NAV2: variants seen among roughly 807,000 people sequenced by gnomAD.
NAV2 encodes helicase, APC down-regulated 1.
In NAV2, 54 loss-of-function variants were observed where a neutral mutation model predicts 223.2. That is an observed-to-expected ratio of 0.24 (90% CI 0.19 to 0.30). NAV2 has a LOEUF of 0.30. NAV2 is among the 10% of genes least tolerant of loss of function. The pLI, the probability that NAV2 is intolerant of heterozygous loss-of-function variation, is 1.00. For synonymous variants in NAV2, 1,279 were observed against 1,239.3 expected, an observed-to-expected ratio of 1.03 and a Z score of -0.67; for missense variants, 2,806 against 3,147.5, an observed-to-expected ratio of 0.89 and a Z score of 2.60.
chr11:19,533,017 T>A (rs1352360249), intron 1 of NAV2, among the ~76,000 whole-genome samples: 1 of 152,194 alleles, frequency 6.6e-6, no homozygotes, highest in Non-Finnish European at 1.5e-5. Flanking sequence ...TGGTACTGAA[T>A]GGGATTCCTT....
intron 1 of NAV2, among the ~76,000 whole-genome samples, chr11:19,801,392 C>G (rs2058246194): frequency 6.6e-6 from 1 of 152,236 alleles, no homozygotes; most frequent in African/African-American, 2.4e-5. Context: ...GGGCACCTCT[C>G]CCTTTGCTGT....
At chr11:19,469,312 A>C (rs1257467437) in intron 1 of NAV2, among the ~76,000 whole-genome samples, 1 of 152,190 alleles carries the variant, frequency 6.6e-6, no homozygotes, top group Non-Finnish European at 1.5e-5. Flanking sequence ...CCATCTCTTT[A>C]GGCTGTGATC....
chr11:19,940,875 C>A (rs1034294842), intron 8 of NAV2, among the ~76,000 whole-genome samples: 1 of 152,158 alleles, frequency 6.6e-6, no homozygotes, highest in African/African-American at 2.4e-5. Flanking sequence ...TCCTTCTCTT[C>A]AAGGTTTGTA....
intron 1 of NAV2, among the ~76,000 whole-genome samples, chr11:19,455,659 A>G (rs1851934403): frequency 6.6e-6 from 1 of 152,216 alleles, no homozygotes; most frequent in East Asian, 1.9e-4. Flanking sequence ...GACAAGAGGT[A>G]AGTAAATTGT....
intron 1 of NAV2, among the ~76,000 whole-genome samples, chr11:19,729,391 T>C (rs994864439): frequency 2.6e-5 from 4 of 152,128 alleles, no homozygotes; most frequent in Non-Finnish European, 5.9e-5. Context: ...TGGCAGGAGA[T>C]GCCAGGTTGG....
In NAV2 at chr11:20,107,723, G is replaced by T. The variant is rs1376089508; in HGVS notation, c.6901G>T (p.Asp2301Tyr). ...DVDGSRVWFT[D>Y]LWNYSIIPYL... ...GGACGGCTCGAGAGTGTGGTTCACC[G>T]ACTTGTGGAACTATTCCATTATCCC... The change falls in exon 36 of 38, where the codon GAC becomes TAC. Residue 2301 changes from aspartate to tyrosine, a missense_variant. Coordinates refer to ENST00000349880, the MANE Select transcript of NAV2 (RefSeq NM_145117.5). 2.5e-6 allele frequency: 4 copies of T among 1,614,044 alleles called. No homozygotes were observed. The highest frequency in any genetic ancestry group is 1.7e-5 in the Admixed American group (1 of 60,010).
chr11:19,684,615 G>C (rs1347609506), intron 1 of NAV2, among the ~76,000 whole-genome samples: 1 of 152,018 alleles, frequency 6.6e-6, no homozygotes, highest in Non-Finnish European at 1.5e-5. Flanking sequence ...CCTCTCCAAG[G>C]GCACGGCCAA....
At chr11:19,819,124 G>A (rs2059251073) in intron 1 of NAV2, among the ~76,000 whole-genome samples, 2 of 152,064 alleles carry the variant, frequency 1.3e-5, no homozygotes, top group South Asian at 2.1e-4. Flanking sequence ...AGTGAGTCAG[G>A]TGTTGTGCTT....
At chr11:20,079,750 A>G (rs1406161150) in intron 24 of NAV2, among the ~76,000 whole-genome samples, 2 of 152,164 alleles carry the variant, frequency 1.3e-5, no homozygotes, top group African/African-American at 4.8e-5. Flanking sequence ...GAAGGTGCCA[A>G]CTGCTCAGTT....
chr11:19,869,817 G>T (rs1206524658), intron 4 of NAV2, among the ~76,000 whole-genome samples: 1 of 152,218 alleles, frequency 6.6e-6, no homozygotes, highest in Non-Finnish European at 1.5e-5. Context: ...ATGGACTCTG[G>T]TGGTCAGAGT....
At chr11:19,394,072 C>G (rs1676542518) in intron 1 of NAV2, among the ~76,000 whole-genome samples, 1 of 151,996 alleles carries the variant, frequency 6.6e-6, no homozygotes, top group African/African-American at 2.4e-5. Flanking sequence ...AGTGAGAAGT[C>G]AAAGGAAACA....
intron 18 of NAV2, among the ~76,000 whole-genome samples, chr11:20,055,016 G>A (rs7112024): frequency 0.017 from 2,635 of 152,348 alleles, 76 homozygotes; most frequent in African/African-American, 0.06. Flanking sequence ...GAAGGTGGCA[G>A]AGTAGGAGCT....
At chr11:19,943,228 T>C (rs1023525161) in intron 8 of NAV2, among the ~76,000 whole-genome samples, 51 of 152,178 alleles carry the variant, frequency 3.4e-4, no homozygotes, top group Non-Finnish European at 3.4e-4. Flanking sequence ...GTGGCCAAAT[T>C]GGCAGTAAAA....
intron 4 of NAV2, among the ~76,000 whole-genome samples, chr11:19,870,198 C>A (rs1015133330): frequency 9.9e-5 from 15 of 152,096 alleles, no homozygotes; most frequent in South Asian, 2.1e-4. Context: ...GGGTACGGAC[C>A]CTCATCCATG....
chr11:19,908,226 C>G (rs1480489172), intron 6 of NAV2, among the ~76,000 whole-genome samples: 2 of 152,148 alleles, frequency 1.3e-5, no homozygotes, highest in Admixed American at 6.5e-5. Flanking sequence ...GAGGCTTTGG[C>G]ATATCTGCCT....
intron 11 of NAV2, among the ~76,000 whole-genome samples, chr11:20,021,009 C>T (rs1158905644): frequency 2.0e-5 from 3 of 152,082 alleles, no homozygotes; most frequent in Admixed American, 1.3e-4. Context: ...ATTCAGATAC[C>T]CAGCTCCCAT....
At chr11:19,777,204 C>T (rs1385278024) in intron 1 of NAV2, among the ~76,000 whole-genome samples, 4 of 150,778 alleles carry the variant, frequency 2.7e-5, no homozygotes, top group Non-Finnish European at 5.9e-5. Flanking sequence ...GGCGGGGAGG[C>T]CGGCGGGGAG....
upstream of NAV2, among the ~76,000 whole-genome samples, chr11:19,348,470 G>A (rs1160135557): frequency 6.6e-6 from 1 of 152,178 alleles, no homozygotes; most frequent in African/African-American, 2.4e-5. Context: ...AGTCAGACCT[G>A]GGTTCAAGTT....
chr11:19,700,207 C>T (rs960916641), intron 1 of NAV2, among the ~76,000 whole-genome samples: 3 of 152,128 alleles, frequency 2.0e-5, no homozygotes, highest in African/African-American at 7.2e-5. Flanking sequence ...TTAATCATTC[C>T]AACAACCCTA....
Sources: gnomAD v4.1 joint callset for allele counts (sites outside exome capture counted in the v4.1 genomes callset) on GRCh38, gnomAD v4.1.1 for gene constraint, MANE v1.5 for transcripts, NCBI Gene and HGNC (gene_info 2026-07-23, HGNC 2026-07-21) for gene names.